RNF212B: variants seen among roughly 807,000 people sequenced by gnomAD.
RNF212B encodes the protein ring finger protein 212B.
A neutral mutation model predicts 55.5 loss-of-function variants in RNF212B; 52 were observed. That is an observed-to-expected ratio of 0.94 (90% CI 0.75 to 1.18). The LOEUF (loss-of-function observed/expected upper bound fraction) is 1.18, where lower values mean the gene tolerates loss of function less well. Among genes scored for constraint, RNF212B ranks in the 50% most tolerant of loss-of-function variants. The pLI is 0.00. For missense variants in RNF212B, 289 were observed against 350.4 expected, an observed-to-expected ratio of 0.82 and a Z score of 1.40; for synonymous variants, 99 against 121.4, an observed-to-expected ratio of 0.82 and a Z score of 1.21.
At chr14:23,246,793 C>T (rs1345020320) in intron 4 of RNF212B, among the ~76,000 whole-genome samples, 1 of 152,108 alleles carries the variant, frequency 6.6e-6, no homozygotes, top group African/African-American at 2.4e-5. Context: ...TGAGTGATCA[C>T]AAACCCACTT....
chr14:23,195,401 C>G (rs73600460), intron 2 of RNF212B, among the ~76,000 whole-genome samples: 3,471 of 152,242 alleles, frequency 0.023, 51 homozygotes, highest in Middle Eastern at 0.085. Context: ...ATTATAAGCG[C>G]TTGACTCGTA....
intron 4 of RNF212B, among the ~76,000 whole-genome samples, chr14:23,252,055 T>C (rs900404772): frequency 2.7e-5 from 4 of 150,744 alleles, no homozygotes; most frequent in Non-Finnish European, 5.9e-5. Context: ...TTGAACTCAA[T>C]CTCTAGCCCC....
intron 2 of RNF212B, among the ~76,000 whole-genome samples, chr14:23,225,462 G>A (rs566652265): frequency 2.7e-4 from 41 of 152,284 alleles, no homozygotes; most frequent in African/African-American, 9.6e-4. Context: ...ATACAGTAGA[G>A]TACTATTCAG....
chr14:23,264,152 C>CTTT (rs1566439714), intron 9 of RNF212B, 22 bp from the exon 10 acceptor site: 1 of 1,511,146 alleles, frequency 6.6e-7, no homozygotes, highest in Admixed American at 2.4e-5. Flanking sequence ...CCTTTTTTTT[C>CTTT]TTTTTGTTTC....
At chr14:23,222,619 C>A (rs2140407596) in intron 2 of RNF212B, among the ~76,000 whole-genome samples, 1 of 152,244 alleles carries the variant, frequency 6.6e-6, no homozygotes, top group Non-Finnish European at 1.5e-5. Flanking sequence ...GGAATACTTC[C>A]AAACTCATTC....
chr14:23,193,418 C>G (rs899057615), intron 2 of RNF212B: 1 of 152,142 alleles, frequency 6.6e-6, no homozygotes, highest in Non-Finnish European at 1.5e-5. Flanking sequence ...CAACTAGAGA[C>G]AGTCAAAGAG....
chr14:23,260,571 G>A, intron 6 of RNF212B, 88 bp from the exon 7 acceptor site: 2 of 1,245,066 alleles, frequency 1.6e-6, no homozygotes, highest in South Asian at 1.3e-5. Flanking sequence ...GGGGCACTGA[G>A]CTTAGTTATC....
Position 23,244,367 on chromosome 14 carries a change from G to C in RNF212B, c.199G>C (p.Ala67Pro). 6.5e-7 allele frequency: 1 copy of C among 1,546,750 alleles called. No homozygotes were observed. Among genetic ancestry groups the C allele is most frequent in the Non-Finnish European group, 8.7e-7 (1 of 1,145,668 alleles). The change falls in exon 4 of 15, where the codon GCT (alanine) becomes CCT (proline). Residue 67 changes from alanine (A) to proline (P), a missense_variant. By Grantham distance (27) the Ala-to-Pro change is conservative (BLOSUM62 -1). Coordinates refer to ENST00000430154, the MANE Select transcript of RNF212B (RefSeq NM_001282322.3). The stretch of plus-strand genomic sequence containing the variant: ...GTTTTTCAAAAGTCCTGTGGAGACA[G>C]CTTTGCAGTATTTTAGTCACATCTC... Reference protein sequence around the residue: ...KMFFKSPVETALQYFSHISQV... With the variant: ...KMFFKSPVETPLQYFSHISQV...
At chr14:23,245,960 ATT>A (rs1250919309) in intron 4 of RNF212B, among the ~76,000 whole-genome samples, 1 of 152,022 alleles carries the variant, frequency 6.6e-6, no homozygotes, top group Non-Finnish European at 1.5e-5. Flanking sequence ...GTAAATATCT[ATT>A]TATGTTTTTA....
In RNF212B at chr14:23,222,261, A is replaced by G. The variant is rs189455455; in HGVS notation, c.-1-18084A>G. Among the ~76,000 whole-genome samples the G allele has an allele frequency of 1.7e-3, 264 of 152,214 alleles. 1 individual carries two copies. The highest frequency in any genetic ancestry group is 5.9e-3 in the African/African-American group (246 of 41,574). ...CTTTTAGCCAGACTGAATAAGAAAA[A>G]AAAAGAAGACCCAAAGAAATAAAAT... On this transcript the variant is annotated intron_variant, in intron 2 of 15. Coordinates refer to the RNF212B transcript ENST00000399910.
intron 2 of RNF212B, among the ~76,000 whole-genome samples, chr14:23,222,219 T>C (rs34425415): frequency 0.017 from 2,511 of 150,740 alleles, 33 homozygotes; most frequent in Non-Finnish European, 0.025. Context: ...TTTGAAAAGA[T>C]GAACAAAATT....
At chr14:23,210,509 G>A (rs575520373) in intron 2 of RNF212B, among the ~76,000 whole-genome samples, 3 of 152,242 alleles carry the variant, frequency 2.0e-5, no homozygotes, top group Admixed American at 2.0e-4. Flanking sequence ...TGGGCGTGGT[G>A]GCTCACGCCT....
intron 3 of RNF212B, 109 bp from the exon 4 acceptor site, chr14:23,244,213 G>GC: frequency 1.7e-6 from 1 of 579,162 alleles, no homozygotes; most frequent in Non-Finnish European, 3.0e-6. Context: ...ACACAGTGGA[G>GC]ATAATGTCAG....
intron 1 of RNF212B, among the ~76,000 whole-genome samples, chr14:23,187,060 ACAGTCCT>A (rs1219676194): frequency 2.0e-5 from 3 of 152,038 alleles, no homozygotes; most frequent in African/African-American, 7.2e-5. Flanking sequence ...CCCCCTTCGC[ACAGTCCT>A]CAGTGTGGCC....
At chr14:23,199,262 ATTGG>A (rs1879042388) in intron 2 of RNF212B, among the ~76,000 whole-genome samples, 1 of 152,188 alleles carries the variant, frequency 6.6e-6, no homozygotes, top group Non-Finnish European at 1.5e-5. Context: ...TAAGAAGTAC[ATTGG>A]TTCAGTCTGG....
chr14:23,234,230 A>G (rs1882942306), upstream of RNF212B, among the ~76,000 whole-genome samples: 2 of 152,058 alleles, frequency 1.3e-5, no homozygotes, highest in Admixed American at 6.6e-5. Flanking sequence ...TTTGTATATT[A>G]AAGCTATTAG....
At chr14:23,228,972 T>A (rs1480433554) in intron 2 of RNF212B, among the ~76,000 whole-genome samples, 1 of 151,982 alleles carries the variant, frequency 6.6e-6, no homozygotes, top group Non-Finnish European at 1.5e-5. Flanking sequence ...TTCCATAATT[T>A]TTCATAACCA....
intron 2 of RNF212B, among the ~76,000 whole-genome samples, chr14:23,194,718 G>T (rs1878466679): frequency 9.0e-6 from 1 of 111,546 alleles, no homozygotes. Flanking sequence ...TTGGGCTACA[G>T]AGTGAGACTC....
At chr14:23,233,022 AAAG>A (rs1212226865), upstream of RNF212B, among the ~76,000 whole-genome samples, 1 of 152,246 alleles carries the variant, frequency 6.6e-6, no homozygotes, top group Non-Finnish European at 1.5e-5. Context: ...GTCTGTGTAG[AAAG>A]AAGTAGACAT....
Sources: allele counts gnomAD v4.1 joint callset (sites outside exome capture counted in the v4.1 genomes callset), GRCh38; gene constraint gnomAD v4.1.1; transcripts MANE v1.5; gene names NCBI Gene and HGNC (gene_info 2026-07-23, HGNC 2026-07-21).